NAALADL2: variants seen among roughly 807,000 people sequenced by gnomAD.
NAALADL2 encodes the protein N-acetylated alpha-linked acidic dipeptidase like 2.
In NAALADL2, 76 loss-of-function variants were observed where a neutral mutation model predicts 87.2. The observed-to-expected ratio is 0.87, with a 90% CI of 0.72 to 1.05. The LOEUF is 1.05. Ranked by LOEUF, NAALADL2 falls within the 50% of genes least tolerant of loss-of-function variation. The pLI is 0.00. For synonymous variants in NAALADL2, 354 were observed against 331.0 expected (o/e 1.07, Z -0.75); for missense variants, 1,089 against 945.8 (o/e 1.15, Z -1.99).
chr3:175,744,095 A>G (rs866527974), intron 12 of NAALADL2, among the ~76,000 whole-genome samples: 1 of 152,222 alleles, frequency 6.6e-6, no homozygotes, highest in Admixed American at 6.5e-5. Flanking sequence ...GGGGAGAACC[A>G]GGTTTCAACT....
At chr3:174,503,729 CA>C in intron 1 of NAALADL2, among the ~76,000 whole-genome samples, 1 of 152,086 alleles carries the variant, frequency 6.6e-6, no homozygotes, top group Non-Finnish European at 1.5e-5. Context: ...AGTTGGTAGA[CA>C]TTTCACTTGG....
At chr3:174,733,515 T>C (rs987207504) in intron 2 of NAALADL2, among the ~76,000 whole-genome samples, 2 of 152,174 alleles carry the variant, frequency 1.3e-5, no homozygotes, top group Non-Finnish European at 2.9e-5. Context: ...AAGAGAAAGG[T>C]TAGGAAAAGA....
chr3:175,157,937 ATAAAAT>A, intron 2 of NAALADL2, among the ~76,000 whole-genome samples: 1 of 152,264 alleles, frequency 6.6e-6, no homozygotes, highest in African/African-American at 2.4e-5. Flanking sequence ...TCCTGAAAAA[ATAAAAT>A]TAAAAGTTCA....
chr3:175,719,700 A>G (rs1051358780), intron 11 of NAALADL2, among the ~76,000 whole-genome samples: 2 of 152,186 alleles, frequency 1.3e-5, no homozygotes, highest in Admixed American at 1.3e-4. Flanking sequence ...TCTGATAGCC[A>G]GTCTCACTTG....
intron 2 of NAALADL2, among the ~76,000 whole-genome samples, chr3:174,641,027 G>A (rs1300233621): frequency 1.3e-5 from 2 of 152,194 alleles, no homozygotes; most frequent in African/African-American, 2.4e-5. Flanking sequence ...CGCCCCAAAG[G>A]CAAACCCAGG....
intron 10 of NAALADL2, among the ~76,000 whole-genome samples, chr3:175,596,681 AAT>A (rs1315760421): frequency 2.0e-5 from 3 of 151,956 alleles, no homozygotes; most frequent in African/African-American, 7.2e-5. Flanking sequence ...GTTTTGAGAA[AAT>A]ATTTTAGTGT....
chr3:175,133,566 AC>A (rs1728585179), intron 2 of NAALADL2, among the ~76,000 whole-genome samples: 1 of 152,180 alleles, frequency 6.6e-6, no homozygotes. Flanking sequence ...CCAAAAAAAT[AC>A]GAAAACCAGT....
chr3:175,636,628 G>T (rs1331695754), intron 11 of NAALADL2, among the ~76,000 whole-genome samples: 1 of 151,108 alleles, frequency 6.6e-6, no homozygotes, highest in Non-Finnish European at 1.5e-5. Context: ...AACCTGGGAG[G>T]CGGAGGTTGC....
chr3:175,047,465 T>C (rs1754826364), intron 1 of NAALADL2, among the ~76,000 whole-genome samples: 2 of 152,188 alleles, frequency 1.3e-5, no homozygotes, highest in African/African-American at 4.8e-5. Flanking sequence ...TACACATAAA[T>C]GACAGATATT....
chr3:175,622,369 C>A (rs1159875322), intron 10 of NAALADL2, among the ~76,000 whole-genome samples: 1 of 152,054 alleles, frequency 6.6e-6, no homozygotes, highest in African/African-American at 2.4e-5. Flanking sequence ...AATTGATATA[C>A]GTGACGAATT....
chr3:175,393,789 A>G (rs1259315354), intron 5 of NAALADL2, among the ~76,000 whole-genome samples: 1 of 152,232 alleles, frequency 6.6e-6, no homozygotes. Flanking sequence ...TAGTATTGAT[A>G]TAACGCTCTT....
At chr3:174,863,472 G>T (rs1401952797) in intron 1 of NAALADL2, among the ~76,000 whole-genome samples, 1 of 151,960 alleles carries the variant, frequency 6.6e-6, no homozygotes, top group African/African-American at 2.4e-5. Context: ...TTTCATTACA[G>T]CTAGGAGAAG....
chr3:174,798,315 T>C (rs1176247149), intron 3 of NAALADL2, among the ~76,000 whole-genome samples: 1 of 152,228 alleles, frequency 6.6e-6, no homozygotes, highest in Non-Finnish European at 1.5e-5. Flanking sequence ...AATTTTGTGG[T>C]TATATAGTGG....
rs188959961 is a variant in NAALADL2, at chr3:175,095,703, G to A, written c.44-1087G>A. ...TCATAGGAATTTACTTGTCTACCACGATTCCTAAGGCAATTAGCTTATCAG... is the reference window on the plus strand; with the variant it reads ...TCATAGGAATTTACTTGTCTACCACAATTCCTAAGGCAATTAGCTTATCAG... On this transcript the variant is annotated intron_variant, in intron 1 of 13. Coordinates refer to ENST00000454872, the MANE Select transcript of NAALADL2 (RefSeq NM_207015.3). 3.7e-3 allele frequency among the ~76,000 whole-genome samples: 563 copies of A among 152,010 alleles called. 5 individuals carry two copies. The highest frequency in any genetic ancestry group is 0.013 in the African/African-American group (543 of 41,466).
In NAALADL2 at chr3:175,097,301, G is replaced by A. The variant is rs1308551783; in HGVS notation, c.545+10G>A. 1 of 1,597,210 alleles carries A rather than the reference G, an allele frequency of 6.3e-7. No individual in the cohort carries two copies. Among genetic ancestry groups the A allele is most frequent in the African/African-American group, 1.3e-5 (1 of 74,302 alleles). ...TTAAGAAGTCTTTCAGGTAGGTGAA[G>A]AAGAAACAGATGTTGTTTGAATGCA... is the stretch of plus-strand genomic sequence containing the variant. On this transcript the variant is annotated intron_variant, in intron 2 of 13. Transcript: ENST00000454872.
intron 10 of NAALADL2, among the ~76,000 whole-genome samples, chr3:175,578,813 T>C (rs1016970006): frequency 6.6e-6 from 1 of 152,262 alleles, no homozygotes; most frequent in African/African-American, 2.4e-5. Context: ...CTGGAAATAT[T>C]GTGTACTTTT....
At chr3:175,380,134 G>A in intron 5 of NAALADL2, among the ~76,000 whole-genome samples, 1 of 151,928 alleles carries the variant, frequency 6.6e-6, no homozygotes, top group Non-Finnish European at 1.5e-5. Flanking sequence ...CACCAACATG[G>A]CACATGTATG....
chr3:174,489,504 T>G (rs1360766773), intron 1 of NAALADL2, among the ~76,000 whole-genome samples: 1 of 151,964 alleles, frequency 6.6e-6, no homozygotes, highest in Non-Finnish European at 1.5e-5. Context: ...TTCATCAAAA[T>G]AAACATGTTT....
intron 1 of NAALADL2, among the ~76,000 whole-genome samples, chr3:174,929,855 T>G: frequency 6.6e-6 from 1 of 152,212 alleles, no homozygotes; most frequent in Admixed American, 6.5e-5. Context: ...ATAAGATTTC[T>G]TAGCCTTTCC....
Sources: gnomAD v4.1 joint callset for allele counts (sites outside exome capture counted in the v4.1 genomes callset) on GRCh38, gnomAD v4.1.1 for gene constraint, MANE v1.5 for transcripts, NCBI Gene and HGNC (gene_info 2026-07-23, HGNC 2026-07-21) for gene names.